Variants in DNAH14 observed in about 807,000 individuals in gnomAD.
The protein encoded by DNAH14 is dynein axonemal heavy chain 14.
DNAH14 carries 478 observed loss-of-function variants against 520.9 expected under a neutral mutation model. The observed-to-expected ratio is 0.92, with a 90% confidence interval of 0.85 to 0.99. The LOEUF is 0.99. Ranked by LOEUF, DNAH14 falls within the 50% of genes least tolerant of loss-of-function variation. The pLI is 0.00. For missense variants in DNAH14, 4,831 were observed against 5,234.5 expected, an observed-to-expected ratio of 0.92 and a Z score of 2.38; for synonymous variants, 1,581 against 1,757.2, an observed-to-expected ratio of 0.90 and a Z score of 2.51.
intron 23 of DNAH14, among the ~76,000 whole-genome samples, chr1:225,109,030 T>C (rs1419801513): frequency 6.6e-6 from 1 of 152,208 alleles, no homozygotes; most frequent in Non-Finnish European, 1.5e-5. Flanking sequence ...ACTGTAGATG[T>C]ACGGATTCGT....
intron 27 of DNAH14, among the ~76,000 whole-genome samples, chr1:225,129,411 C>G (rs113478789): frequency 0.057 from 8,624 of 150,450 alleles, 324 homozygotes; most frequent in Non-Finnish European, 0.078. Context: ...TACCTGACTT[C>G]AAACTATACT....
chr1:225,055,504 C>T (rs1229784280), intron 17 of DNAH14, among the ~76,000 whole-genome samples: 1 of 151,900 alleles, frequency 6.6e-6, no homozygotes, highest in Admixed American at 6.6e-5. Context: ...GCATGTACAA[C>T]CATAGCTAAA....
intron 69 of DNAH14, among the ~76,000 whole-genome samples, chr1:225,343,340 T>G (rs2095230426): frequency 6.6e-6 from 1 of 152,160 alleles, no homozygotes; most frequent in African/African-American, 2.4e-5. Flanking sequence ...TTTGGGGAAA[T>G]GATTAAGACC....
Position 225,301,005 on chromosome 1 carries a change from A to C in DNAH14, c.8606A>C (p.Gln2869Pro). ...CAATCTGGTCATATGGATAATAGGCAATCTTTACTTTCATTCTTTCAAAAG... is the reference window on the plus strand; with the variant it reads ...CAATCTGGTCATATGGATAATAGGCCATCTTTACTTTCATTCTTTCAAAAG... ...TEQSGHMDNRQSLLSFFQKRI... is the reference protein window; with the variant it reads ...TEQSGHMDNRPSLLSFFQKRI... Residue 2869 changes from glutamine (Q) to proline (P), a missense_variant, in exon 56 of 86, where the codon CAA becomes CCA. Gln to Pro is a moderately conservative substitution (Grantham distance 76). Transcript: ENST00000682510. 6.5e-7 allele frequency: 1 copy of C among 1,549,178 alleles called. No homozygotes were observed. Among genetic ancestry groups the C allele is most frequent in the Non-Finnish European group, 8.7e-7 (1 of 1,146,330 alleles).
chr1:225,268,366 A>C (rs903392912), intron 49 of DNAH14, among the ~76,000 whole-genome samples: 9 of 152,238 alleles, frequency 5.9e-5, no homozygotes, highest in Non-Finnish European at 8.8e-5. Context: ...ACTCACAGCC[A>C]ATATCATACT....
Position 225,085,670 on chromosome 1 carries a change from CA to C in DNAH14, c.3455del (p.His1152ProfsTer9). Reference sequence around the variant, plus strand: ...TACTCCTTTGCCTTTAATTCTTCACCACACAGAGATTTACTCTATCTTCATA... The same window carrying C: ...TACTCCTTTGCCTTTAATTCTTCACCCACAGAGATTTACTCTATCTTCATA... ...NTTPLPLILH[H>X]TEIYSIFIIP... On this transcript the variant is annotated frameshift_variant, in exon 21 of 86. Coordinates refer to ENST00000682510, the MANE Select transcript of DNAH14 (RefSeq NM_001367479.1). LOFTEE classifies it high-confidence loss of function. The C allele has an allele frequency of 1.3e-6, 2 of 1,551,148 alleles. No individual in the cohort carries two copies. Among genetic ancestry groups the C allele is most frequent in the Non-Finnish European group, 1.7e-6 (2 of 1,146,742 alleles).
In DNAH14 at chr1:225,332,846, A is replaced by AG. The variant is rs979882708; in HGVS notation, c.9865-445_9865-444insG. 7.4e-4 allele frequency among the ~76,000 whole-genome samples: 112 copies of AG among 151,720 alleles called. 2 individuals carry two copies. The East Asian group carries it at 0.017, about 23-fold the overall frequency. Reference sequence around the variant, plus strand: ...CTGTCTCTACAAAAAAAAAAAAAAAAAAAATTAGCTGAGCATGGTGGCACA... The same window carrying AG: ...CTGTCTCTACAAAAAAAAAAAAAAAAGAAAATTAGCTGAGCATGGTGGCACA... On this transcript the variant is annotated intron_variant, in intron 65 of 85. Transcript: ENST00000682510.
chr1:225,137,183 T>C (rs1040639573), intron 27 of DNAH14, among the ~76,000 whole-genome samples: 2 of 152,194 alleles, frequency 1.3e-5, no homozygotes, highest in Non-Finnish European at 2.9e-5. Flanking sequence ...AGCCCAGTTG[T>C]GTTGAAATCA....
chr1:225,170,428 T>C (rs1471816617), intron 36 of DNAH14, among the ~76,000 whole-genome samples: 3 of 152,076 alleles, frequency 2.0e-5, no homozygotes, highest in Non-Finnish European at 4.4e-5. Context: ...GAGGGAGATC[T>C]ACCAAGCAAA....
intron 37 of DNAH14, among the ~76,000 whole-genome samples, chr1:225,189,985 T>A (rs1359839985): frequency 1.3e-5 from 2 of 151,884 alleles, no homozygotes; most frequent in African/African-American, 4.8e-5. Flanking sequence ...TTAACAACTG[T>A]TAGGGTCTGA....
At chr1:225,000,198 C>G (rs954366524) in intron 8 of DNAH14, among the ~76,000 whole-genome samples, 4 of 152,158 alleles carry the variant, frequency 2.6e-5, no homozygotes, top group Non-Finnish European at 4.4e-5. Flanking sequence ...TTGACAGTTC[C>G]TTTCTTTCAG....
At chr1:225,251,326 AC>A (rs2149705824) in intron 43 of DNAH14, among the ~76,000 whole-genome samples, 1 of 152,194 alleles carries the variant, frequency 6.6e-6, no homozygotes, top group East Asian at 1.9e-4. Flanking sequence ...GGCACCTGTC[AC>A]CACGCTTGGC....
At chr1:225,379,147 A>G (rs1410763941) in intron 79 of DNAH14, among the ~76,000 whole-genome samples, 2 of 152,234 alleles carry the variant, frequency 1.3e-5, no homozygotes, top group East Asian at 3.8e-4. Context: ...TGTGTGATTA[A>G]GAAGCCCTTC....
At chr1:225,146,353 T>C (rs1458755080) in intron 30 of DNAH14, among the ~76,000 whole-genome samples, 1 of 152,232 alleles carries the variant, frequency 6.6e-6, no homozygotes, top group East Asian at 1.9e-4. Flanking sequence ...TCCCACTTCC[T>C]TTCCTCCTTG....
intron 8 of DNAH14, among the ~76,000 whole-genome samples, chr1:224,998,161 C>T (rs1478738920): frequency 6.6e-6 from 1 of 151,978 alleles, no homozygotes; most frequent in Non-Finnish European, 1.5e-5. Context: ...GTTCCTGATA[C>T]TTTGTGTCTT....
intron 42 of DNAH14, among the ~76,000 whole-genome samples, chr1:225,240,057 A>G (rs1217357151): frequency 1.3e-5 from 2 of 152,206 alleles, no homozygotes; most frequent in African/African-American, 4.8e-5. Context: ...GGCTTTAGCC[A>G]GGTTAAACTA....
chr1:225,199,133 A>C (rs927793729), intron 38 of DNAH14, among the ~76,000 whole-genome samples: 4 of 152,152 alleles, frequency 2.6e-5, no homozygotes, highest in African/African-American at 9.6e-5. Context: ...TGCACATAAA[A>C]GTGTTCACAG....
chr1:225,362,490 G>T (rs1575025852), intron 75 of DNAH14, among the ~76,000 whole-genome samples: 1 of 151,274 alleles, frequency 6.6e-6, no homozygotes, highest in African/African-American at 2.4e-5. Flanking sequence ...CAGGAGAATC[G>T]CTTGATCCCG....
Position 225,336,093 on chromosome 1 carries a change from T to TTAAA in DNAH14, c.10081-1171_10081-1170insAATA, listed in dbSNP as rs1558442608. ...TACATACTTATATATACATATATGC[T>TTAAA]TATACATATATGTATAAGACTACAC... On this transcript the variant is annotated intron_variant, in intron 66 of 85. Coordinates refer to ENST00000682510, the MANE Select transcript of DNAH14 (RefSeq NM_001367479.1). Among the ~76,000 whole-genome samples, 23 of 147,862 alleles carry TTAAA rather than the reference T, an allele frequency of 1.6e-4. No homozygotes were observed. In the East Asian group the frequency reaches 4.0e-3, roughly 25 times the overall value.
Sources: gnomAD v4.1 joint callset for allele counts (sites outside exome capture counted in the v4.1 genomes callset) on GRCh38, gnomAD v4.1.1 for gene constraint, MANE v1.5 for transcripts, NCBI Gene and HGNC (gene_info 2026-07-23, HGNC 2026-07-21) for gene names.